KLHL28: variants seen among roughly 807,000 people sequenced by gnomAD.
KLHL28 encodes kelch-like protein 28.
In KLHL28, 22 loss-of-function variants were observed where a neutral mutation model predicts 48.3. The observed-to-expected ratio is 0.46, with a 90% confidence interval of 0.33 to 0.65. The LOEUF is 0.65. Ranked by LOEUF, KLHL28 falls within the 30% of genes least tolerant of loss-of-function variation. The pLI is 0.03. For synonymous variants in KLHL28, 243 were observed against 242.4 expected (o/e 1.00, Z -0.02); for missense variants, 527 against 704.3 (o/e 0.75, Z 2.85).
At chr14:44,932,140 A>C (rs930355038) in intron 3 of KLHL28, among the ~76,000 whole-genome samples, 60 of 150,276 alleles carry the variant, frequency 4.0e-4, no homozygotes, top group African/African-American at 1.4e-3. Flanking sequence ...TTTCTGCCTC[A>C]GCCTCCTGAG....
At chr14:44,960,999 CA>C (rs529613436) in intron 1 of KLHL28, 68,547 of 580,658 alleles carry the variant, frequency 0.12, 28 homozygotes, top group South Asian at 0.18. Context: ...ATTATTCCTT[CA>C]AAAAAAAAAA....
rs1489905129 is a variant in KLHL28 at position 44,927,981 on chromosome 14, A to G, written c.*1047T>C. On this transcript the variant is annotated 3_prime_UTR_variant, in exon 5 of 5. Transcript: ENST00000396128. ...ATTGGCGTAATCACTAACATTTTTAATAAGCACAAATGAATCAAGCCATTA... is the reference window on the plus strand; with the variant it reads ...ATTGGCGTAATCACTAACATTTTTAGTAAGCACAAATGAATCAAGCCATTA... 1 of 152,580 alleles carries G rather than the reference A, an allele frequency of 6.6e-6. No individual in the cohort carries two copies. Among genetic ancestry groups the G allele is most frequent in the African/African-American group, 2.4e-5 (1 of 41,460 alleles). The allele number at this position is 152,580 out of a possible 1,614,324, so 9.5% of individuals were successfully genotyped here.
chr14:44,940,318 AC>A (rs540752932), intron 2 of KLHL28, among the ~76,000 whole-genome samples: 285 of 152,348 alleles, frequency 1.9e-3, no homozygotes, highest in Non-Finnish European at 2.9e-3. Context: ...TTGGAGGGAC[AC>A]ATTTAAACTA....
At chr14:44,948,633 C>G (rs1368573145) in intron 1 of KLHL28, among the ~76,000 whole-genome samples, 1 of 152,058 alleles carries the variant, frequency 6.6e-6, no homozygotes, top group Non-Finnish European at 1.5e-5. Flanking sequence ...TAAATTGCCA[C>G]TTCCCAATAT....
intron 1 of KLHL28, chr14:44,961,077 T>C (rs1022740209): frequency 1.8e-5 from 8 of 453,082 alleles, no homozygotes; most frequent in Non-Finnish European, 2.8e-5. Context: ...ACTGTGTCCG[T>C]TTAAGTATCA....
intron 2 of KLHL28, among the ~76,000 whole-genome samples, chr14:44,936,924 T>C (rs1883849021): frequency 1.3e-5 from 2 of 152,080 alleles, no homozygotes. Context: ...GGACAAAGAC[T>C]CATTGGAGGG....
intron 4 of KLHL28, among the ~76,000 whole-genome samples, chr14:44,930,595 G>A (rs571345516): frequency 1.3e-5 from 2 of 152,284 alleles, no homozygotes; most frequent in African/African-American, 4.8e-5. Flanking sequence ...AGCACCATAT[G>A]ATGCTCAAAG....
intron 2 of KLHL28, among the ~76,000 whole-genome samples, chr14:44,939,051 A>G (rs1339377135): frequency 2.6e-5 from 4 of 152,184 alleles, no homozygotes; most frequent in Admixed American, 2.0e-4. Flanking sequence ...TGTAGTCTGC[A>G]AGCCTGTAGA....
At chr14:44,961,419 T>A (rs1188485289) in intron 1 of KLHL28, among the ~76,000 whole-genome samples, 1 of 151,974 alleles carries the variant, frequency 6.6e-6, no homozygotes, top group African/African-American at 2.4e-5. Context: ...CCTATTTCCA[T>A]ATTATGTACG....
At chr14:44,951,326 C>A (rs1377088146) in intron 1 of KLHL28, among the ~76,000 whole-genome samples, 1 of 152,178 alleles carries the variant, frequency 6.6e-6, no homozygotes. Flanking sequence ...AGGAGAATCA[C>A]AAGGTGTGTC....
intron 1 of KLHL28, among the ~76,000 whole-genome samples, chr14:44,950,595 T>C (rs1884538586): frequency 6.6e-6 from 1 of 152,156 alleles, no homozygotes; most frequent in African/African-American, 2.4e-5. Flanking sequence ...TGATATGCAG[T>C]ATAGTTTTAA....
At chr14:44,944,046 C>T (rs369468853) in intron 2 of KLHL28, among the ~76,000 whole-genome samples, 15 of 152,046 alleles carry the variant, frequency 9.9e-5, no homozygotes, top group Middle Eastern at 3.4e-3. Context: ...ATTGATGAAA[C>T]GTCAAGTTTC....
At chr14:44,944,937 A>G (rs1338204726) in intron 2 of KLHL28, 93 bp downstream of exon 2, 11 of 974,962 alleles carry the variant, frequency 1.1e-5, no homozygotes, top group Non-Finnish European at 1.3e-5. Context: ...AGTAAAAAGG[A>G]AAATCAAACT....
chr14:44,932,115 G>A (rs1395706999), intron 3 of KLHL28, among the ~76,000 whole-genome samples: 1 of 151,084 alleles, frequency 6.6e-6, no homozygotes, highest in African/African-American at 2.4e-5. Context: ...CTCAAATTCC[G>A]GGGCTAAAGT....
At chr14:44,952,913 A>G (rs201928552) in intron 1 of KLHL28, among the ~76,000 whole-genome samples, 1 of 152,164 alleles carries the variant, frequency 6.6e-6, no homozygotes, top group Admixed American at 6.5e-5. Flanking sequence ...TAAAAAAAAA[A>G]AAAACAAACA....
At chr14:44,951,100 G>A (rs1884559756) in intron 1 of KLHL28, among the ~76,000 whole-genome samples, 1 of 152,228 alleles carries the variant, frequency 6.6e-6, no homozygotes. Context: ...CAAAAAAGGG[G>A]CTGGCCCCAT....
rs192265727 is a variant in KLHL28, at chr14:44,952,031, G to T, written c.1-6103C>A. Among the ~76,000 whole-genome samples, 555 of 151,974 alleles carry T rather than the reference G, an allele frequency of 3.7e-3. 4 individuals are homozygous for T. Among genetic ancestry groups the T allele is most frequent in the African/African-American group, 0.013 (537 of 41,448 alleles). Reference sequence around the variant, plus strand: ...ACATCACCACGCCCGACTAGTTTTTGTATTTTTTTTGTAGAGAAGGAGTTT... The same window carrying T: ...ACATCACCACGCCCGACTAGTTTTTTTATTTTTTTTGTAGAGAAGGAGTTT... On this transcript the variant is annotated intron_variant, in intron 1 of 4. Transcript: ENST00000396128.
intron 1 of KLHL28, among the ~76,000 whole-genome samples, chr14:44,951,949 C>T (rs553913441): frequency 8.5e-5 from 13 of 152,230 alleles, no homozygotes; most frequent in African/African-American, 3.1e-4. Flanking sequence ...GCCTTGACCT[C>T]CTGGGCTCAG....
intron 4 of KLHL28, among the ~76,000 whole-genome samples, chr14:44,930,367 C>T (rs1172273363): frequency 6.6e-6 from 1 of 152,130 alleles, no homozygotes; most frequent in African/African-American, 2.4e-5. Flanking sequence ...TCGGTTCTAG[C>T]GATTCTCATG....
Sources: allele counts gnomAD v4.1 joint callset (sites outside exome capture counted in the v4.1 genomes callset), GRCh38; gene constraint gnomAD v4.1.1; transcripts MANE v1.5; gene names NCBI Gene and HGNC (gene_info 2026-07-23, HGNC 2026-07-21).